The following BMP7 variants were observed in gnomAD, a reference collection of about 807,000 sequenced individuals.
BMP7 encodes bone morphogenetic protein 7.
BMP7 carries 12 observed loss-of-function variants against 41.2 expected under a neutral mutation model. The ratio of observed to expected loss-of-function variants is 0.29; its 90% CI spans 0.19 to 0.47. The LOEUF is 0.47. Ranked by LOEUF, BMP7 falls within the 20% of genes least tolerant of loss-of-function variation. BMP7 has a pLI of 0.99. For missense variants in BMP7, 467 were observed against 606.0 expected (o/e 0.77, Z 2.41); for synonymous variants, 248 against 250.0 (o/e 0.99, Z 0.07).
intron 3 of BMP7, among the ~76,000 whole-genome samples, chr20:57,196,582 C>A (rs1984495780): frequency 6.6e-6 from 1 of 152,206 alleles, no homozygotes; most frequent in African/African-American, 2.4e-5. Flanking sequence ...TTCTAACAAC[C>A]AGATGCGGGG....
chr20:57,196,365 A>T (rs1489792679), intron 3 of BMP7, among the ~76,000 whole-genome samples: 1 of 152,186 alleles, frequency 6.6e-6, no homozygotes, highest in Non-Finnish European at 1.5e-5. Context: ...CCTTCAGTAC[A>T]TGGTCTCTCG....
Position 57,258,246 on chromosome 20 carries a change from G to A in BMP7, c.418+7459C>T, listed in dbSNP as rs76319983. ...TTATGGAAAGTCTTGAATGAGAAAC[G>A]CCACCCCTCGGTATCTGGCCCTGAA... On this transcript the variant is annotated intron_variant, in intron 1 of 6. Coordinates refer to ENST00000395863, the MANE Select transcript of BMP7 (RefSeq NM_001719.3). Among the ~76,000 whole-genome samples, 21 of 152,282 alleles carry A rather than the reference G, an allele frequency of 1.4e-4. No homozygotes were observed. The East Asian group carries it at 3.7e-3, about 27-fold the overall frequency.
At chr20:57,220,968 A>G (rs1600630818) in intron 2 of BMP7, among the ~76,000 whole-genome samples, 1 of 152,332 alleles carries the variant, frequency 6.6e-6, no homozygotes, top group South Asian at 2.1e-4. Context: ...ACACAGGACC[A>G]GACCATGTGG....
intron 4 of BMP7, among the ~76,000 whole-genome samples, chr20:57,176,553 C>G (rs957782107): frequency 3.3e-5 from 5 of 152,114 alleles, no homozygotes; most frequent in African/African-American, 1.2e-4. Flanking sequence ...ACTCGTGAGT[C>G]AAGACCAGGT....
chr20:57,265,031 C>CAAAAAAAAAAA (rs34234487), intron 1 of BMP7, among the ~76,000 whole-genome samples: 1 of 74,504 alleles, frequency 1.3e-5, no homozygotes, highest in Non-Finnish European at 3.0e-5. Flanking sequence ...AACTCCGTCT[C>CAAAAAAAAAAA]AAAAAAAAAA....
At chr20:57,183,596 G>T in intron 4 of BMP7, 126 bp downstream of exon 4, 1 of 1,243,860 alleles carries the variant, frequency 8.0e-7, no homozygotes, top group Non-Finnish European at 1.2e-6. Flanking sequence ...TTTTCTTCCT[G>T]CTATATTTGT....
chr20:57,197,241 A>C (rs1456878854), intron 3 of BMP7, among the ~76,000 whole-genome samples: 1 of 151,562 alleles, frequency 6.6e-6, no homozygotes, highest in Non-Finnish European at 1.5e-5. Flanking sequence ...GAGCCCATAG[A>C]AGTCAAGGGC....
rs1985005347 is a variant in BMP7 at position 57,215,964 on chromosome 20, C to T, written c.611+12265G>A. 2 of 151,438 alleles carry T rather than the reference C, an allele frequency of 1.3e-5. No homozygotes were observed. Among genetic ancestry groups the T allele is most frequent in the Admixed American group, 6.6e-5 (1 of 15,216 alleles). The allele number at this position is 151,438 out of a possible 1,614,324, so 9.4% of individuals were successfully genotyped here. A position where few individuals can be genotyped will look rare whatever the true frequency, so the allele number is the denominator to read the frequency against. On this transcript the variant is annotated intron_variant, in intron 2 of 6. Coordinates refer to ENST00000395863, the MANE Select transcript of BMP7 (RefSeq NM_001719.3). The surrounding 1 kb of genome is among the most constrained non-coding windows in gnomAD (Gnocchi z 4.2). ...TCCAAACCCAGAGACAGAAAAAGTGCAGCAAAGCAGGGCGACAAGGGGAAA... is the reference window on the plus strand; with the variant it reads ...TCCAAACCCAGAGACAGAAAAAGTGTAGCAAAGCAGGGCGACAAGGGGAAA...
intron 1 of BMP7, among the ~76,000 whole-genome samples, chr20:57,244,319 C>T (rs2123133194): frequency 6.6e-6 from 1 of 152,332 alleles, no homozygotes; most frequent in South Asian, 2.1e-4. Flanking sequence ...GTCTTGGAAG[C>T]TATTCGCTCT....
In BMP7 at chr20:57,214,238, T is replaced by C. The variant is rs1255370913; in HGVS notation, c.612-11615A>G. 6.6e-6 allele frequency among the ~76,000 whole-genome samples: 1 copy of C among 152,156 alleles called. No homozygotes were observed. The highest frequency in any genetic ancestry group is 6.5e-5 in the Admixed American group (1 of 15,288). On this transcript the variant is annotated intron_variant, in intron 2 of 6. Transcript: ENST00000395863. This position sits in a 1 kb window ranked among gnomAD's most constrained non-coding sequence, Gnocchi z 4.0. ...TCACCCCTGCACGGTGATGGTTTGA[T>C]GGTGGAGGGAGAGCTACCACCCAGA...
chr20:57,173,475 G>A (rs1983855719), intron 5 of BMP7, 165 bp from the exon 6 acceptor site: 4 of 714,310 alleles, frequency 5.6e-6, no homozygotes, highest in South Asian at 1.5e-5. Flanking sequence ...AGGAAACATG[G>A]GTGGCCTCTC....
intron 2 of BMP7, among the ~76,000 whole-genome samples, chr20:57,212,452 G>A (rs554435127): frequency 6.6e-6 from 1 of 152,268 alleles, no homozygotes; most frequent in East Asian, 1.9e-4. Flanking sequence ...TCTGCCACTC[G>A]CAGACCCAGC....
At chr20:57,226,415 C>T (rs1407247779) in intron 2 of BMP7, among the ~76,000 whole-genome samples, 1 of 152,258 alleles carries the variant, frequency 6.6e-6, no homozygotes, top group African/African-American at 2.4e-5. Flanking sequence ...ACAATTCTAT[C>T]TCTAGAACTT....
At chr20:57,237,295 G>A (rs952778307) in intron 1 of BMP7, among the ~76,000 whole-genome samples, 1 of 152,092 alleles carries the variant, frequency 6.6e-6, no homozygotes, top group Non-Finnish European at 1.5e-5. Flanking sequence ...TCACAGACCC[G>A]AGGACTGCTC....
In BMP7 at chr20:57,266,003, G is replaced by A. The variant is rs1459467818; in HGVS notation, c.120C>T (p.Ser40=). The A allele has an allele frequency of 6.5e-7, 1 of 1,549,606 alleles. No individual in the cohort carries two copies. The highest frequency in any genetic ancestry group is 1.2e-5 in the South Asian group (1 of 84,038). The change falls in exon 1 of 7, where the codon AGC becomes AGT. Residue 40 remains serine (S), a synonymous_variant. Coordinates refer to ENST00000395863, the MANE Select transcript of BMP7 (RefSeq NM_001719.3). ...GGCTGCGGAGGCGCCGGTGGATGAA[G>A]CTCGAGTGCACCTCGTTGTCCAGGC... ...DFSLDNEVHS[S]FIHRRLRSQE...
chr20:57,261,262 C>T lies in BMP7; in HGVS notation c.418+4443G>A, dbSNP rs1425512297. On this transcript the variant is annotated intron_variant, in intron 1 of 6. Transcript: ENST00000395863. This position sits in a 1 kb window ranked among gnomAD's most constrained non-coding sequence, Gnocchi z 4.1. ...GCTTGAGAGGGCTGCATCTCAAAAGCGGTTTCGTCTGTCTGTGCATTCAGA... is the reference window on the plus strand; with the variant it reads ...GCTTGAGAGGGCTGCATCTCAAAAGTGGTTTCGTCTGTCTGTGCATTCAGA... Among the ~76,000 whole-genome samples, 4 of 152,146 alleles carry T rather than the reference C, an allele frequency of 2.6e-5. No individual in the cohort carries two copies. Among genetic ancestry groups the T allele is most frequent in the East Asian group, 3.9e-4 (2 of 5,194 alleles).
chr20:57,237,047 C>T (rs2066050588), intron 1 of BMP7, among the ~76,000 whole-genome samples: 1 of 152,188 alleles, frequency 6.6e-6, no homozygotes, highest in South Asian at 2.1e-4. Context: ...GAGGCAGGAA[C>T]AAATATTTTA....
At chr20:57,186,115 T>G (rs933884410) in intron 3 of BMP7, among the ~76,000 whole-genome samples, 6 of 152,174 alleles carry the variant, frequency 3.9e-5, no homozygotes, top group Non-Finnish European at 7.4e-5. Flanking sequence ...GTCCCCAGTG[T>G]AGAGATGGCA....
chr20:57,170,803 T>C lies in BMP7; in HGVS notation c.*156A>G. 4.1e-6 allele frequency: 4 copies of C among 966,998 alleles called. No homozygotes were observed. The highest frequency in any genetic ancestry group is 6.3e-6 in the Non-Finnish European group (4 of 635,282). 59.9% of individuals were successfully genotyped at this position (966,998 alleles called of 1,614,324 possible). On this transcript the variant is annotated 3_prime_UTR_variant, in exon 7 of 7. Transcript: ENST00000395863. ...ACTGAAAAACTGATCAAAAGCCATATGCTGCTCATGTTTCCTAATACTCTC... is the reference window on the plus strand; with the variant it reads ...ACTGAAAAACTGATCAAAAGCCATACGCTGCTCATGTTTCCTAATACTCTC...
Sources: gnomAD v4.1 joint callset for allele counts (sites outside exome capture counted in the v4.1 genomes callset) on GRCh38, gnomAD v4.1.1 for gene constraint, Gnocchi (gnomAD v3.1) non-coding constraint, MANE v1.5 for transcripts, NCBI Gene and HGNC (gene_info 2026-07-23, HGNC 2026-07-21) for gene names.